Variants in DNAH17 observed in about 807,000 individuals in gnomAD.
The protein encoded by DNAH17 is dynein axonemal heavy chain 17.
DNAH17 carries 376 observed loss-of-function variants against 485.6 expected under a neutral mutation model. The observed-to-expected ratio is 0.77, with a 90% CI of 0.71 to 0.84. The LOEUF is 0.84. Ranked by LOEUF, DNAH17 falls within the 40% of genes least tolerant of loss-of-function variation. The probability of loss-of-function intolerance (pLI) is 0.00; values close to 1 mark genes in which losing one functional copy is unlikely to be tolerated. For missense variants in DNAH17, 6,370 were observed against 5,839.3 expected, an observed-to-expected ratio of 1.09 and a Z score of -2.96; for synonymous variants, 3,031 against 2,405.9, an observed-to-expected ratio of 1.26 and a Z score of -7.60.
chr17:78,530,708 A>C (rs2091211210), intron 20 of DNAH17, among the ~76,000 whole-genome samples, 196 bp from the exon 21 acceptor site: 1 of 152,196 alleles, frequency 6.6e-6, no homozygotes, highest in Non-Finnish European at 1.5e-5. Context: ...TTCCAGCCCC[A>C]GAGTCTAGCC....
intron 26 of DNAH17, among the ~76,000 whole-genome samples, chr17:78,512,196 C>T (rs1325171504): frequency 2.0e-5 from 3 of 152,332 alleles, no homozygotes; most frequent in African/African-American, 4.8e-5. Context: ...CTTGGGAAGC[C>T]GTGGGCTAAG....
intron 30 of DNAH17, among the ~76,000 whole-genome samples, 195 bp from the exon 31 acceptor site, chr17:78,505,640 C>T (rs2090462382): frequency 6.6e-6 from 1 of 152,202 alleles, no homozygotes; most frequent in Non-Finnish European, 1.5e-5. Flanking sequence ...ACACAGAAAC[C>T]AGGCCAGGAA....
intron 48 of DNAH17, among the ~76,000 whole-genome samples, chr17:78,484,213 G>A (rs914594176): frequency 3.3e-5 from 5 of 149,874 alleles, no homozygotes; most frequent in African/African-American, 7.4e-5. Flanking sequence ...GAGAAAATCT[G>A]CACTCTGTCC....
chr17:78,458,837 G>A lies in DNAH17; in HGVS notation c.9862-157C>T, dbSNP rs185205490. ...AGCATGGAGGCTAAGGACACCAAGC[G>A]GCTCCCGGCACCATCTGGCCCCTGC... On this transcript the variant is annotated intron_variant, in intron 61 of 80. Transcript: ENST00000389840. The A allele has an allele frequency of 1.7e-4, 176 of 1,013,172 alleles. 3 individuals carry two copies. In the South Asian group the frequency reaches 2.1e-3, roughly 12 times the overall value. 62.8% of individuals were successfully genotyped at this position (1,013,172 alleles called of 1,614,324 possible). A position where few individuals can be genotyped will look rare whatever the true frequency, so the allele number is the denominator to read the frequency against.
chr17:78,569,266 A>T lies in DNAH17; in HGVS notation c.1198-14T>A. 1 of 1,599,852 alleles carries T rather than the reference A, an allele frequency of 6.3e-7. No individual in the cohort carries two copies. The highest frequency in any genetic ancestry group is 8.5e-7 in the Non-Finnish European group (1 of 1,173,134). On this transcript the variant is annotated splice_polypyrimidine_tract_variant and intron_variant, in intron 8 of 80. Transcript: ENST00000389840. ...GGGCTCTTTGTCCTTAGAGGAGAGA[A>T]AGAGAGATGAGGCCACGTTTGCTTC...
At chr17:78,495,437 GTTTT>G (rs147600821) in intron 38 of DNAH17, among the ~76,000 whole-genome samples, 6 of 135,002 alleles carry the variant, frequency 4.4e-5, no homozygotes, top group African/African-American at 8.4e-5. Flanking sequence ...TCCTGGGAGT[GTTTT>G]TTTTTTTTTT....
rs771207848 is a variant in DNAH17, at chr17:78,494,055, G to A, written c.6389C>T (p.Ala2130Val). 7.8e-5 allele frequency: 126 copies of A among 1,612,348 alleles called. No individual in the cohort carries two copies. The South Asian group carries it at 1.0e-3, about 13-fold the overall frequency. Residue 2130 changes from alanine (A) to valine (V), a missense_variant, in exon 41 of 81, where the codon GCG becomes GTG. Physicochemically the swap from Ala to Val is moderately conservative, Grantham distance 64 (BLOSUM62 0). Transcript: ENST00000389840. ...VRHSVFIVGN[A>V]GSGKSQVLKS... ...ACACACCTGAGATTTGCCGCTGCCC[G>A]CATTCCCGACGATGAACACGGAGTG...
chr17:78,445,552 A>G lies in DNAH17; in HGVS notation c.11334+6T>C. Reference sequence around the variant, plus strand: ...AGCACAACGTGTTCAACGTCTAAAGACGAACCTTGATCCCGCCCCAGCCTT... The same window carrying G: ...AGCACAACGTGTTCAACGTCTAAAGGCGAACCTTGATCCCGCCCCAGCCTT... On this transcript the variant is annotated splice_donor_region_variant and intron_variant, in intron 70 of 80. Transcript: ENST00000389840. 2.6e-6 allele frequency: 4 copies of G among 1,560,806 alleles called. No homozygotes were observed. In the South Asian group the frequency reaches 4.7e-5, roughly 18 times the overall value.
At chr17:78,543,676 C>G in intron 17 of DNAH17, 181 bp downstream of exon 17, 5 of 884,498 alleles carry the variant, frequency 5.7e-6, no homozygotes, top group Non-Finnish European at 9.1e-6. Flanking sequence ...CCGCCCGACT[C>G]AGCCTCCCAG....
At chr17:78,561,576 G>T (rs999161477) in intron 12 of DNAH17, 139 bp downstream of exon 12, 6 of 1,019,254 alleles carry the variant, frequency 5.9e-6, no homozygotes, top group African/African-American at 1.6e-5. Context: ...ACCAGAAGGG[G>T]TCTCTTCTGG....
At chr17:78,441,398 CT>C (rs2087070856) in intron 71 of DNAH17, among the ~76,000 whole-genome samples, 199 bp from the exon 72 acceptor site, 1 of 152,126 alleles carries the variant, frequency 6.6e-6, no homozygotes, top group South Asian at 2.1e-4. Context: ...CTCGGGCACC[CT>C]TTCTTTCCCG....
intron 78 of DNAH17, 131 bp from the exon 79 acceptor site, chr17:78,426,731 G>T: frequency 7.3e-7 from 1 of 1,372,672 alleles, no homozygotes; most frequent in African/African-American, 1.4e-5. Context: ...CTGCATCAGG[G>T]CCACGCAAGC....
intron 54 of DNAH17, chr17:78,472,608 C>T (rs886985436): frequency 4.4e-5 from 17 of 382,546 alleles, no homozygotes; most frequent in East Asian, 3.1e-4. Context: ...AACTCCCCAC[C>T]GCCTGGCCCC....
chr17:78,500,440 C>G lies in DNAH17; in HGVS notation c.5505G>C (p.Gln1835His). 1 of 1,602,638 alleles carries G rather than the reference C, an allele frequency of 6.2e-7. No individual in the cohort carries two copies. The highest frequency in any genetic ancestry group is 8.5e-7 in the Non-Finnish European group (1 of 1,176,228). The change falls in exon 36 of 81, where the codon CAG (glutamine) becomes CAC (histidine). Residue 1835 changes from glutamine (Q) to histidine (H), a missense_variant. Coordinates refer to ENST00000389840, the MANE Select transcript of DNAH17 (RefSeq NM_173628.4). Reference sequence around the variant, plus strand: ...CTCCACCCATGATGAGATGGAGGGACTGGGTCAGGGTGATATAGCACCTGC... The same window carrying G: ...CTCCACCCATGATGAGATGGAGGGAGTGGGTCAGGGTGATATAGCACCTGC... ...LTDRCYITLT[Q>H]SLHLIMGGAP...
At chr17:78,468,515 A>G (rs1341911853) in intron 55 of DNAH17, 102 bp downstream of exon 55, 1 of 1,394,856 alleles carries the variant, frequency 7.2e-7, no homozygotes, top group Non-Finnish European at 9.6e-7. Context: ...ACATCCCATG[A>G]AGGATCAGTC....
chr17:78,434,869 G>A (rs114608806), intron 74 of DNAH17, among the ~76,000 whole-genome samples: 2,170 of 152,298 alleles, frequency 0.014, 47 homozygotes, highest in African/African-American at 0.049. Flanking sequence ...AGCGGCTGAC[G>A]GAGCACCTCT....
In DNAH17 at chr17:78,571,854, A is replaced by G. The variant is rs909797734; in HGVS notation, c.540-72T>C. The G allele has an allele frequency of 4.9e-6, 7 of 1,426,160 alleles. No homozygotes were observed. In the African/African-American group the frequency reaches 8.6e-5, roughly 17 times the overall value. 88.3% of individuals were successfully genotyped at this position (1,426,160 alleles called of 1,614,324 possible). On this transcript the variant is annotated intron_variant, in intron 3 of 80. Transcript: ENST00000389840. ...TGGGTCCCACCAAGCTCTCCCATGAATCCTTCTGCCCACCAATCCCAAACC... is the reference window on the plus strand; with the variant it reads ...TGGGTCCCACCAAGCTCTCCCATGAGTCCTTCTGCCCACCAATCCCAAACC...
chr17:78,554,436 C>CAAAAAAAAA lies in DNAH17; in HGVS notation c.2179-1640_2179-1632dup. On this transcript the variant is annotated intron_variant, in intron 14 of 80. Transcript: ENST00000389840. Reference sequence around the variant, plus strand: ...TGGACAATAGAATGAGACTCTGTCTCAAAAAAAAAAAAAAAAAAAAAAAAA... The same window carrying CAAAAAAAAA: ...TGGACAATAGAATGAGACTCTGTCTCAAAAAAAAAAAAAAAAAAAAAAAAAAAAAAAAAA... 4.0e-3 allele frequency among the ~76,000 whole-genome samples: 128 copies of CAAAAAAAAA among 32,266 alleles called. 26 individuals carry two copies. Among genetic ancestry groups the CAAAAAAAAA allele is most frequent in the Non-Finnish European group, 5.3e-3 (96 of 17,986 alleles). The allele number at this position is 32,266 out of a possible 152,430, so 21.2% of individuals were successfully genotyped here. A position where few individuals can be genotyped will look rare whatever the true frequency, so the allele number is the denominator to read the frequency against.
chr17:78,489,695 G>A (rs691548), intron 44 of DNAH17: 80,068 of 151,728 alleles, frequency 0.53, 21,120 homozygotes, highest in Middle Eastern at 0.64. Flanking sequence ...CCTCCCCCAC[G>A]GTGCTGGTTT....
Sources: gnomAD v4.1 joint callset for allele counts (sites outside exome capture counted in the v4.1 genomes callset) on GRCh38, gnomAD v4.1.1 for gene constraint, MANE v1.5 for transcripts, NCBI Gene and HGNC (gene_info 2026-07-23, HGNC 2026-07-21) for gene names.